The following TIMM23B variants were observed in gnomAD, a reference collection of about 807,000 sequenced individuals.
The protein encoded by TIMM23B is mitochondrial import inner membrane translocase subunit Tim23B.
In TIMM23B, 27 loss-of-function variants were observed where a neutral mutation model predicts 27.3. That is an observed-to-expected ratio of 0.99 (90% CI 0.73 to 1.36). The LOEUF (loss-of-function observed/expected upper bound fraction) is 1.36, where lower values mean the gene tolerates loss of function less well. Ranked by LOEUF, TIMM23B falls within the 40% of genes most tolerant of loss-of-function variation. TIMM23B has a pLI of 0.00. For synonymous variants in TIMM23B, 73 were observed against 92.4 expected (o/e 0.79, Z 1.21); for missense variants, 205 against 244.2 (o/e 0.84, Z 1.07).
At chr10:49,945,791 A>C (rs2133048965) in intron 2 of TIMM23B, among the ~76,000 whole-genome samples, 1 of 152,346 alleles carries the variant, frequency 6.6e-6, no homozygotes, top group South Asian at 2.1e-4. Context: ...ATATCAATTT[A>C]TAATAAAGCA....
At chr10:49,950,932 AATT>A (rs1274592344) in intron 2 of TIMM23B, among the ~76,000 whole-genome samples, 1 of 152,200 alleles carries the variant, frequency 6.6e-6, no homozygotes, top group Non-Finnish European at 1.5e-5. Flanking sequence ...ACTGAAGAAT[AATT>A]ATTTACCTTA....
chr10:49,967,438 T>G lies in TIMM23B; in HGVS notation c.515-5574T>G, dbSNP rs562698122. Reference sequence around the variant, plus strand: ...TGTGCCCTGTCTTCTTGGGTCTATTTTTTAACCAGAAATTAATAAGACATT... The same window carrying G: ...TGTGCCCTGTCTTCTTGGGTCTATTGTTTAACCAGAAATTAATAAGACATT... On this transcript the variant is annotated intron_variant, in intron 6 of 6. Coordinates refer to ENST00000651259, the MANE Select transcript of TIMM23B (RefSeq NM_001290117.2). Among the ~76,000 whole-genome samples the G allele has an allele frequency of 9.9e-5, 15 of 152,164 alleles. No individual in the cohort carries two copies. The South Asian group carries it at 2.9e-3, about 30-fold the overall frequency.
Position 49,945,053 on chromosome 10 carries a change from G to C in TIMM23B, c.128G>C (p.Cys43Ser), listed in dbSNP as rs148307270. Residue 43 changes from cysteine (C) to serine (S), a missense_variant, in exon 2 of 7, where the codon TGT becomes TCT. Cys to Ser is a moderately radical substitution (Grantham distance 112, BLOSUM62 -1). Transcript: ENST00000651259. ...CTAGTAACTGGTATGAACCCTCTGT[G>C]TCCTTATTTAAATGTGGATCCACGA... is the stretch of plus-strand genomic sequence containing the variant. ...GVPLTGMNPL[C>S]PYLNVDPRYL... 0.91 allele frequency: 1,441,071 copies of C among 1,590,146 alleles called. 657,178 individuals carry two copies. The highest frequency in any genetic ancestry group is 0.95 in the African/African-American group (70,699 of 74,086).
chr10:49,962,938 CTG>C (rs1839971932), intron 6 of TIMM23B, among the ~76,000 whole-genome samples: 1 of 147,188 alleles, frequency 6.8e-6, no homozygotes, highest in East Asian at 1.9e-4. Context: ...GTTGGCCAGA[CTG>C]GAGTACAATG....
intron 6 of TIMM23B, among the ~76,000 whole-genome samples, chr10:49,962,893 A>C (rs1233928221): frequency 1.5e-5 from 2 of 135,432 alleles, no homozygotes; most frequent in Non-Finnish European, 3.3e-5. Flanking sequence ...ATCTACCATC[A>C]CTTTTTTTTT....
Position 49,942,320 on chromosome 10 carries a change from T to C in TIMM23B, c.106+20T>C. 1 of 1,598,818 alleles carries C rather than the reference T, an allele frequency of 6.3e-7. No individual in the cohort carries two copies. Reference sequence around the variant, plus strand: ...TCCCGCGTAAGTATGGGGCCTAGCTTGCGATTATTTCTGACTGGTTCTTGC... The same window carrying C: ...TCCCGCGTAAGTATGGGGCCTAGCTCGCGATTATTTCTGACTGGTTCTTGC... On this transcript the variant is annotated intron_variant, in intron 1 of 6. Coordinates refer to ENST00000651259, the MANE Select transcript of TIMM23B (RefSeq NM_001290117.2).
At chr10:49,965,798 CGAAATGAAAT>C (rs1359435487) in intron 6 of TIMM23B, among the ~76,000 whole-genome samples, 1 of 144,980 alleles carries the variant, frequency 6.9e-6, no homozygotes, top group African/African-American at 2.6e-5. Context: ...GAGTCTCCAT[CGAAATGAAAT>C]GAAATGAGAT....
intron 5 of TIMM23B, among the ~76,000 whole-genome samples, chr10:49,957,812 T>C (rs1283557906): frequency 2.6e-5 from 4 of 152,182 alleles, no homozygotes; most frequent in East Asian, 1.9e-4. Flanking sequence ...GACAACCTTA[T>C]AGAACTGTGA....
chr10:49,955,872 G>T (rs1228607775), intron 5 of TIMM23B, among the ~76,000 whole-genome samples: 2 of 152,150 alleles, frequency 1.3e-5, no homozygotes, highest in Admixed American at 1.3e-4. Context: ...CTAAGAGATG[G>T]CTGCTTTCAT....
At chr10:49,942,352 A>G (rs1839144316) in intron 1 of TIMM23B, 52 bp downstream of exon 1, 1 of 1,569,692 alleles carries the variant, frequency 6.4e-7, no homozygotes, top group Non-Finnish European at 8.6e-7. Context: ...TTGCGTTTAC[A>G]CTAAAGTTGC....
intron 1 of TIMM23B, chr10:49,943,095 A>G (rs1839208099): frequency 6.6e-6 from 1 of 152,230 alleles, no homozygotes; most frequent in African/African-American, 2.4e-5. Flanking sequence ...ACTAAGGAAC[A>G]ACAACAACGA....
At chr10:49,947,141 T>G (rs1327050642) in intron 2 of TIMM23B, among the ~76,000 whole-genome samples, 4 of 152,190 alleles carry the variant, frequency 2.6e-5, no homozygotes, top group Non-Finnish European at 5.9e-5. Context: ...ATTAAAGACT[T>G]AAATGTAAAC....
In TIMM23B at chr10:49,942,061, C is replaced by G. The variant is rs1839123102; in HGVS notation, c.-134C>G. On this transcript the variant is annotated 5_prime_UTR_variant, in exon 1 of 7. Transcript: ENST00000651259. The stretch of plus-strand genomic sequence containing the variant: ...GCGGAAGTGTGGCGCTTAACGGGAA[C>G]CGGCGCCCGGAATGTCAGCGTGTGA... 8.0e-7 allele frequency: 1 copy of G among 1,247,120 alleles called. No homozygotes were observed. Among genetic ancestry groups the G allele is most frequent in the African/African-American group, 1.5e-5 (1 of 65,796 alleles). 77.3% of individuals were successfully genotyped at this position (1,247,120 alleles called of 1,614,324 possible). A position where few individuals can be genotyped will look rare whatever the true frequency, so the allele number is the denominator to read the frequency against.
At chr10:49,956,591 A>C (rs1839733986) in intron 5 of TIMM23B, among the ~76,000 whole-genome samples, 1 of 146,592 alleles carries the variant, frequency 6.8e-6, no homozygotes, top group South Asian at 2.2e-4. Flanking sequence ...TTTCTTCTGA[A>C]TTCTTCCAGG....
At chr10:49,960,858 G>A (rs1839872960) in intron 6 of TIMM23B, among the ~76,000 whole-genome samples, 1 of 152,164 alleles carries the variant, frequency 6.6e-6, no homozygotes, top group South Asian at 2.1e-4. Flanking sequence ...AGAAAAGTCT[G>A]GGAAGATAGT....
At position 49,950,200 on chromosome 10, in the gene TIMM23B, C is replaced by CT. The variant is rs1169522720; in HGVS notation, c.166-1907dup. On this transcript the variant is annotated intron_variant, in intron 2 of 6. Transcript: ENST00000651259. ...AAATTATAAATTAAAAAAGTTTTTT[C>CT]TTTTTTTTTTTTTTTTTTTCCCCCA... Among the ~76,000 whole-genome samples, 790 of 117,964 alleles carry CT rather than the reference C, an allele frequency of 6.7e-3. 3 individuals are homozygous for CT. Among genetic ancestry groups the CT allele is most frequent in the African/African-American group, 0.012 (398 of 32,376 alleles). The allele number at this position is 117,964 out of a possible 152,430, so 77.4% of individuals were successfully genotyped here.
chr10:49,953,117 C>T (rs1199221152), intron 4 of TIMM23B, among the ~76,000 whole-genome samples: 1 of 152,092 alleles, frequency 6.6e-6, no homozygotes. Flanking sequence ...ATGTTTTCAC[C>T]CAACTTAAGA....
At chr10:49,963,916 G>A (rs545146714) in intron 6 of TIMM23B, among the ~76,000 whole-genome samples, 2 of 152,314 alleles carry the variant, frequency 1.3e-5, no homozygotes, top group East Asian at 3.9e-4. Context: ...AGTGAGCAGG[G>A]ATCGCGCCAC....
chr10:49,942,665 CTT>C (rs1449889502), intron 1 of TIMM23B, among the ~76,000 whole-genome samples: 1 of 152,126 alleles, frequency 6.6e-6, no homozygotes, highest in Admixed American at 6.5e-5. Flanking sequence ...CCGTAGTTAA[CTT>C]TTTAGTACAC....
Sources: gnomAD v4.1 joint callset for allele counts (sites outside exome capture counted in the v4.1 genomes callset) on GRCh38, gnomAD v4.1.1 for gene constraint, MANE v1.5 for transcripts, NCBI Gene and HGNC (gene_info 2026-07-23, HGNC 2026-07-21) for gene names.